ZNF486: variants seen among roughly 807,000 people sequenced by gnomAD.
The protein encoded by ZNF486 is KRAB box only protein 2.
A neutral mutation model predicts 12.8 loss-of-function variants in ZNF486; 12 were observed. The ratio of observed to expected loss-of-function variants is 0.94; its 90% CI spans 0.60 to 1.52. The LOEUF (loss-of-function observed/expected upper bound fraction) is 1.52. Among genes scored for constraint, ZNF486 ranks in the 40% most tolerant of loss-of-function variants. The pLI, the probability that ZNF486 is intolerant of heterozygous loss-of-function variation, is 0.00. For synonymous variants in ZNF486, 231 were observed against 184.9 expected (o/e 1.25, Z -2.02); for missense variants, 738 against 545.0 (o/e 1.35, Z -3.53).
At chr19:20,193,457 C>T (rs537986952) in intron 3 of ZNF486, among the ~76,000 whole-genome samples, 7 of 151,912 alleles carry the variant, frequency 4.6e-5, no homozygotes, top group South Asian at 2.1e-4. Flanking sequence ...GTCAGGAGTT[C>T]GAGAGCAGCC....
chr19:20,178,494 G>A (rs782188717), intron 1 of ZNF486, among the ~76,000 whole-genome samples: 6 of 152,008 alleles, frequency 3.9e-5, no homozygotes, highest in Admixed American at 6.6e-5. Context: ...TGCCTGTCTC[G>A]GCCTCCCAAA....
At chr19:20,169,995 A>C (rs2089630898) in intron 1 of ZNF486, among the ~76,000 whole-genome samples, 1 of 143,376 alleles carries the variant, frequency 7.0e-6, no homozygotes, top group African/African-American at 2.6e-5. Flanking sequence ...GGTTCACGCC[A>C]TTCTCCTGCC....
chr19:20,196,294 G>A (rs551520633), intron 3 of ZNF486, among the ~76,000 whole-genome samples: 1 of 152,094 alleles, frequency 6.6e-6, no homozygotes, highest in Non-Finnish European at 1.5e-5. Context: ...GGAATTACAG[G>A]CATGAGCTAT....
chr19:20,178,881 G>A (rs1178337123), intron 1 of ZNF486, among the ~76,000 whole-genome samples: 1 of 152,204 alleles, frequency 6.6e-6, no homozygotes, highest in South Asian at 2.1e-4. Flanking sequence ...CACAAACCCA[G>A]TTAGAGTAAC....
chr19:20,174,633 C>T (rs1201379863), intron 1 of ZNF486, among the ~76,000 whole-genome samples: 2 of 152,260 alleles, frequency 1.3e-5, no homozygotes, highest in African/African-American at 4.8e-5. Context: ...AGGTGATCCA[C>T]CCATTTCAGC....
intron 1 of ZNF486, among the ~76,000 whole-genome samples, chr19:20,172,653 T>G (rs1446637180): frequency 8.4e-6 from 1 of 119,754 alleles, no homozygotes; most frequent in African/African-American, 4.1e-5. Flanking sequence ...GTTTAAGTTC[T>G]TTTTTTTTTT....
intron 3 of ZNF486, among the ~76,000 whole-genome samples, chr19:20,189,958 T>C (rs1568324855): frequency 6.6e-6 from 1 of 152,050 alleles, no homozygotes; most frequent in Admixed American, 6.6e-5. Context: ...TGTCTAAGTA[T>C]TTTGTTTAAA....
chr19:20,194,905 T>A (rs1189688726), intron 3 of ZNF486, among the ~76,000 whole-genome samples: 1 of 152,166 alleles, frequency 6.6e-6, no homozygotes, highest in African/African-American at 2.4e-5. Flanking sequence ...CTTTTTCATG[T>A]TTACATCATA....
At chr19:20,179,309 GACAA>G (rs1271939659) in intron 1 of ZNF486, among the ~76,000 whole-genome samples, 1 of 152,062 alleles carries the variant, frequency 6.6e-6, no homozygotes, top group Non-Finnish European at 1.5e-5. Context: ...AAAAACTTTT[GACAA>G]ACAACTCTGC....
In ZNF486 at chr19:20,198,055, C is replaced by T; in HGVS notation, c.1345C>T (p.Leu449Phe). 2 of 1,609,876 alleles carry T rather than the reference C, an allele frequency of 1.2e-6. No homozygotes were observed. The highest frequency in any genetic ancestry group is 1.7e-6 in the Non-Finnish European group (2 of 1,177,760). The stretch of plus-strand genomic sequence containing the variant: ...CAAAGCTTTTAACTGGTCCTCAGAC[C>T]TTAATAAACATAAGAGAATTCATAT... Reference protein sequence around the residue: ...CGKAFNWSSDLNKHKRIHIGQ... With the variant: ...CGKAFNWSSDFNKHKRIHIGQ... The change falls in exon 4 of 4, where the codon CTT becomes TTT. Residue 449 changes from leucine to phenylalanine, a missense_variant. Coordinates refer to ENST00000335117, the MANE Select transcript of ZNF486 (RefSeq NM_052852.4).
At position 20,186,082 on chromosome 19, in the gene ZNF486, G is replaced by A. The variant is rs1431290763; in HGVS notation, c.253G>A (p.Val85Ile). The A allele has an allele frequency of 5.1e-6, 8 of 1,578,086 alleles. No individual in the cohort carries two copies. Among genetic ancestry groups the A allele is most frequent in the Non-Finnish European group, 6.9e-6 (8 of 1,166,586 alleles). ...KRHEMIAKPP[V>I]VCSHFAQDLW... Reference sequence around the variant, plus strand: ...ACATGAGATGATTGCCAAACCCCCAGGTAGGTGCGAATGAAAATGAACACA... The same window carrying A: ...ACATGAGATGATTGCCAAACCCCCAAGTAGGTGCGAATGAAAATGAACACA... Residue 85 changes from valine (V) to isoleucine (I), a missense_variant and splice_region_variant, in exon 3 of 4, where the codon GTT becomes ATT. Val to Ile is a conservative substitution (Grantham distance 29). Transcript: ENST00000335117.
At chr19:20,186,947 T>G (rs1213428143) in intron 3 of ZNF486, among the ~76,000 whole-genome samples, 1 of 151,832 alleles carries the variant, frequency 6.6e-6, no homozygotes, top group Non-Finnish European at 1.5e-5. Flanking sequence ...CATGCCTGGC[T>G]AATTTTTTTT....
chr19:20,196,990 C>T lies in ZNF486; in HGVS notation c.280C>T (p.Leu94Phe). 6.4e-7 allele frequency: 1 copy of T among 1,568,592 alleles called. No homozygotes were observed. The highest frequency in any genetic ancestry group is 8.6e-7 in the Non-Finnish European group (1 of 1,163,218). The change falls in exon 4 of 4, where the codon CTT (leucine) becomes TTT (phenylalanine). Residue 94 changes from leucine to phenylalanine, a missense_variant. Coordinates refer to ENST00000335117, the MANE Select transcript of ZNF486 (RefSeq NM_052852.4). ...PVVCSHFAQD[L>F]WPEQSIKDSY... ...TGTGTGTTCTCATTTTGCCCAAGAC[C>T]TTTGGCCAGAGCAGAGCATAAAAGA...
intron 1 of ZNF486, among the ~76,000 whole-genome samples, chr19:20,169,454 C>T (rs1011162230): frequency 3.3e-5 from 5 of 152,058 alleles, no homozygotes; most frequent in East Asian, 1.9e-4. Context: ...TGGGGAGCCT[C>T]GCCTGCAGAT....
At chr19:20,168,497 A>G (rs1034459393) in intron 1 of ZNF486, among the ~76,000 whole-genome samples, 3 of 151,630 alleles carry the variant, frequency 2.0e-5, no homozygotes, top group Non-Finnish European at 2.9e-5. Context: ...TCTATTAAAA[A>G]TACAAAATTA....
At chr19:20,175,710 A>G (rs2089700822) in intron 1 of ZNF486, among the ~76,000 whole-genome samples, 1 of 152,178 alleles carries the variant, frequency 6.6e-6, no homozygotes, top group African/African-American at 2.4e-5. Flanking sequence ...GACCAAAATG[A>G]AAAGTCTCCC....
chr19:20,194,009 T>C (rs2089932550), intron 3 of ZNF486, among the ~76,000 whole-genome samples: 1 of 152,204 alleles, frequency 6.6e-6, no homozygotes, highest in Admixed American at 6.5e-5. Flanking sequence ...ACTTTGTTAC[T>C]GATTTTGCTA....
At position 20,179,472 on chromosome 19, in the gene ZNF486, T is replaced by C. The variant is rs11881624; in HGVS notation, c.31-4884T>C. 1.7e-3 allele frequency among the ~76,000 whole-genome samples: 265 copies of C among 152,298 alleles called. 1 individual carries two copies. The highest frequency in any genetic ancestry group is 6.3e-3 in the African/African-American group (260 of 41,564). ...AATAAACTGTCTACTTATATTCATG[T>C]TATGTCACCTTTTTTTTAAATGTAG... On this transcript the variant is annotated intron_variant, in intron 1 of 3. Transcript: ENST00000335117.
At chr19:20,184,220 T>G in intron 1 of ZNF486, 136 bp from the exon 2 acceptor site, 1 of 1,334,660 alleles carries the variant, frequency 7.5e-7, no homozygotes, top group Middle Eastern at 2.3e-4. Flanking sequence ...ATTTCTGTAT[T>G]GAAAATTATT....
Sources: gnomAD v4.1 joint callset for allele counts (sites outside exome capture counted in the v4.1 genomes callset) on GRCh38, gnomAD v4.1.1 for gene constraint, MANE v1.5 for transcripts, NCBI Gene and HGNC (gene_info 2026-07-23, HGNC 2026-07-21) for gene names.